The following LINGO2 variants were observed in gnomAD, a reference collection of about 807,000 sequenced individuals.
LINGO2 encodes leucine-rich repeat and immunoglobulin-like domain-containing nogo receptor-interacting protein 2.
In LINGO2, 14 loss-of-function variants were observed where a neutral mutation model predicts 30.6. The ratio of observed to expected loss-of-function variants is 0.46; its 90% CI spans 0.30 to 0.72. The LOEUF (loss-of-function observed/expected upper bound fraction) is 0.72. Ranked by LOEUF, LINGO2 falls within the 30% of genes least tolerant of loss-of-function variation. The pLI is 0.07. For synonymous variants in LINGO2, 317 were observed against 288.5 expected, an observed-to-expected ratio of 1.10 and a Z score of -1.00; for missense variants, 729 against 751.7, an observed-to-expected ratio of 0.97 and a Z score of 0.35.
chr9:28,798,202 G>A, the LINGO2 span, among the ~76,000 whole-genome samples: 1 of 151,988 alleles, frequency 6.6e-6, no homozygotes, highest in Non-Finnish European at 1.5e-5. Context: ...GGGACGATTT[G>A]GGCCAGACAG....
At chr9:28,765,110 T>G in the LINGO2 span, among the ~76,000 whole-genome samples, 38 of 152,038 alleles carry the variant, frequency 2.5e-4, no homozygotes, top group Non-Finnish European at 5.0e-4. Flanking sequence ...TTATCAAATT[T>G]TAATAGTATT....
the LINGO2 span, among the ~76,000 whole-genome samples, chr9:29,120,936 C>G: frequency 6.6e-6 from 1 of 152,114 alleles, no homozygotes; most frequent in African/African-American, 2.4e-5. Context: ...TAAATGTTGT[C>G]TCTTACAATA....
chr9:28,055,378 C>T (rs887516245), intron 4 of LINGO2, among the ~76,000 whole-genome samples: 5 of 152,104 alleles, frequency 3.3e-5, no homozygotes, highest in African/African-American at 9.7e-5. Context: ...CAAGCTTCAG[C>T]CAAGGAGTCT....
chr9:28,980,817 AT>A, the LINGO2 span, among the ~76,000 whole-genome samples: 1 of 151,596 alleles, frequency 6.6e-6, no homozygotes, highest in African/African-American at 2.4e-5. Flanking sequence ...TTATTATTTT[AT>A]TTTTTTATCA....
At chr9:28,453,029 G>A (rs1256978442) in intron 2 of LINGO2, among the ~76,000 whole-genome samples, 1 of 151,864 alleles carries the variant, frequency 6.6e-6, no homozygotes, top group African/African-American at 2.4e-5. Context: ...TAAGATCAAT[G>A]ACTCTGATAT....
the LINGO2 span, among the ~76,000 whole-genome samples, chr9:29,113,067 G>T: frequency 6.6e-6 from 1 of 152,162 alleles, no homozygotes; most frequent in African/African-American, 2.4e-5. Context: ...TGTCAAAGGA[G>T]AAAGTATAAC....
chr9:28,043,285 G>A (rs979366520), intron 4 of LINGO2, among the ~76,000 whole-genome samples: 1 of 152,242 alleles, frequency 6.6e-6, no homozygotes, highest in Non-Finnish European at 1.5e-5. Flanking sequence ...GGCAAGGCCT[G>A]TTTCAGACAG....
the LINGO2 span, among the ~76,000 whole-genome samples, chr9:28,767,950 G>A: frequency 6.6e-6 from 1 of 152,094 alleles, no homozygotes; most frequent in African/African-American, 2.4e-5. Flanking sequence ...TCCATTAGGA[G>A]GCATAAAATA....
At chr9:28,012,841 T>C (rs931587473) in intron 4 of LINGO2, among the ~76,000 whole-genome samples, 13 of 152,016 alleles carry the variant, frequency 8.6e-5, no homozygotes, top group African/African-American at 3.1e-4. Context: ...CTATCTGAAA[T>C]TGACTATTAA....
intron 1 of LINGO2, among the ~76,000 whole-genome samples, chr9:28,549,754 T>A (rs1822175996): frequency 6.6e-6 from 1 of 151,890 alleles, no homozygotes; most frequent in South Asian, 2.1e-4. Flanking sequence ...ATTAAAGTAT[T>A]AATTTTTACA....
the LINGO2 span, among the ~76,000 whole-genome samples, chr9:29,012,448 A>T: frequency 8.5e-5 from 13 of 152,292 alleles, no homozygotes; most frequent in East Asian, 1.9e-4. Context: ...TGTAAAACCA[A>T]ATTTTCAACA....
At chr9:29,060,461 T>C in the LINGO2 span, among the ~76,000 whole-genome samples, 3 of 152,136 alleles carry the variant, frequency 2.0e-5, no homozygotes, top group Admixed American at 6.6e-5. Flanking sequence ...GTATTCTTCA[T>C]AGAATTATAA....
the LINGO2 span, among the ~76,000 whole-genome samples, chr9:28,682,352 T>C: frequency 6.6e-6 from 1 of 152,162 alleles, no homozygotes; most frequent in Admixed American, 6.5e-5. Context: ...GACTTGCATA[T>C]CTGTGGCCTT....
intron 3 of LINGO2, among the ~76,000 whole-genome samples, chr9:28,345,883 T>C (rs1164944692): frequency 6.6e-6 from 1 of 152,188 alleles, no homozygotes; most frequent in African/African-American, 2.4e-5. Flanking sequence ...AAAGTCCTTA[T>C]ATAAACAACA....
chr9:28,303,819 T>C (rs1226638515), intron 3 of LINGO2, among the ~76,000 whole-genome samples: 1 of 151,890 alleles, frequency 6.6e-6, no homozygotes, highest in South Asian at 2.1e-4. Context: ...TTGCTGTCTC[T>C]GGGGTGGCAG....
chr9:28,683,135 A>G, the LINGO2 span, among the ~76,000 whole-genome samples: 1 of 152,100 alleles, frequency 6.6e-6, no homozygotes, highest in African/African-American at 2.4e-5. Context: ...TTCTTAATGT[A>G]CCCAAATCTT....
intron 5 of LINGO2, among the ~76,000 whole-genome samples, chr9:27,960,625 T>TC (rs983448392): frequency 2.0e-5 from 3 of 151,698 alleles, no homozygotes; most frequent in Non-Finnish European, 2.9e-5. Flanking sequence ...TTTTTTTTTT[T>TC]TTTTTTTTTA....
chr9:28,961,787 A>G, the LINGO2 span, among the ~76,000 whole-genome samples: 1 of 152,166 alleles, frequency 6.6e-6, no homozygotes, highest in Non-Finnish European at 1.5e-5. Flanking sequence ...TTTTCTATAT[A>G]GTGTTCTCAT....
chr9:28,008,692 G>C (rs1011032856), intron 5 of LINGO2, among the ~76,000 whole-genome samples: 6 of 152,030 alleles, frequency 3.9e-5, no homozygotes, highest in Admixed American at 2.6e-4. Flanking sequence ...ATAGCATCAA[G>C]AAGAATAAGA....
Sources: allele counts gnomAD v4.1 joint callset (sites outside exome capture counted in the v4.1 genomes callset), GRCh38; gene constraint gnomAD v4.1.1; transcripts MANE v1.5; gene names NCBI Gene and HGNC (gene_info 2026-07-23, HGNC 2026-07-21).